The following DAPK1 variants were observed in gnomAD, a reference collection of about 807,000 sequenced individuals.
DAPK1 encodes death-associated protein kinase 1.
A neutral mutation model predicts 144.9 loss-of-function variants in DAPK1; 56 were observed. The observed-to-expected ratio is 0.39, with a 90% CI of 0.31 to 0.48. The LOEUF (loss-of-function observed/expected upper bound fraction) is 0.48, where lower values mean the gene tolerates loss of function less well. Ranked by LOEUF, DAPK1 falls within the 20% of genes least tolerant of loss-of-function variation. The pLI is 0.95. For missense variants in DAPK1, 1,454 were observed against 1,875.4 expected, an observed-to-expected ratio of 0.78 and a Z score of 4.15; for synonymous variants, 690 against 749.0, an observed-to-expected ratio of 0.92 and a Z score of 1.29.
At chr9:87,556,443 T>G (rs541154812) in intron 2 of DAPK1, among the ~76,000 whole-genome samples, 1 of 152,258 alleles carries the variant, frequency 6.6e-6, no homozygotes, top group African/African-American at 2.4e-5. Context: ...TTCCTTTTGC[T>G]GTCTTTGAAT....
intron 21 of DAPK1, among the ~76,000 whole-genome samples, chr9:87,694,426 G>A (rs1439236913): frequency 1.3e-5 from 2 of 152,176 alleles, no homozygotes; most frequent in African/African-American, 2.4e-5. Flanking sequence ...CAGGCCTGTC[G>A]TCAGGTCCCC....
At chr9:87,501,937 G>A (rs144246074) in intron 2 of DAPK1, among the ~76,000 whole-genome samples, 16 of 152,200 alleles carry the variant, frequency 1.1e-4, no homozygotes, top group African/African-American at 3.1e-4. Flanking sequence ...CTGACACTCA[G>A]GATTTTCCTC....
At chr9:87,698,500 G>A (rs982937112) in intron 22 of DAPK1, 156 bp from the exon 23 acceptor site, 8 of 643,716 alleles carry the variant, frequency 1.2e-5, no homozygotes, top group African/African-American at 3.6e-5. Flanking sequence ...GGGTCACAGT[G>A]CACAGCAGGC....
chr9:87,617,642 AT>A (rs1273033878), intron 3 of DAPK1, among the ~76,000 whole-genome samples: 20 of 152,078 alleles, frequency 1.3e-4, no homozygotes, highest in Middle Eastern at 3.2e-3. Context: ...AAGTGTATTA[AT>A]TTGTATGCAG....
At chr9:87,700,853 G>T (rs1317302933) in intron 24 of DAPK1, among the ~76,000 whole-genome samples, 3 of 152,134 alleles carry the variant, frequency 2.0e-5, no homozygotes, top group African/African-American at 7.2e-5. Flanking sequence ...GGAATATTTA[G>T]AAAATTCAGA....
intron 7 of DAPK1, 68 bp from the exon 8 acceptor site, chr9:87,640,230 T>C (rs1830048545): frequency 6.9e-7 from 1 of 1,458,518 alleles, no homozygotes; most frequent in Admixed American, 1.9e-5. Context: ...CTCCAGATGT[T>C]ATAGGAGCAA....
chr9:87,498,399 T>G, intron 1 of DAPK1: 1 of 330,838 alleles, frequency 3.0e-6, no homozygotes, highest in Non-Finnish European at 5.4e-6. Flanking sequence ...CCTCCCTTGC[T>G]CCCCCGGGCG....
At chr9:87,668,196 A>G (rs756684486) in intron 18 of DAPK1, 7 of 194,828 alleles carry the variant, frequency 3.6e-5, no homozygotes, top group Non-Finnish European at 6.4e-5. Flanking sequence ...TGTAAGGATT[A>G]TAACACAGTA....
chr9:87,556,928 T>A lies in DAPK1; in HGVS notation c.63-48026T>A, dbSNP rs147713233. 3.8e-3 allele frequency among the ~76,000 whole-genome samples: 586 copies of A among 152,296 alleles called. 3 individuals carry two copies. Among genetic ancestry groups the A allele is most frequent in the Middle Eastern group, 0.027 (8 of 294 alleles). On this transcript the variant is annotated intron_variant, in intron 2 of 25. Coordinates refer to ENST00000408954, the MANE Select transcript of DAPK1 (RefSeq NM_004938.4). ...TTCCTTGAAGAGCCAGTCCTGCAGT[T>A]GTGGGTGGGAGAGGAGCTTCTCTGA...
chr9:87,621,665 T>A (rs1829297428), intron 3 of DAPK1, among the ~76,000 whole-genome samples: 1 of 152,202 alleles, frequency 6.6e-6, no homozygotes, highest in African/African-American at 2.4e-5. Context: ...GTCTGCCTCT[T>A]GCTTTGGGTT....
Position 87,707,599 on chromosome 9 carries a change from C to A in DAPK1, c.*235C>A. ...GAGCAGAACAGATCTTTTACTTTGG[C>A]CGCTTGAAAAGCTAGTGTACCTCCT... On this transcript the variant is annotated 3_prime_UTR_variant, in exon 26 of 26. Transcript: ENST00000408954. The surrounding 1 kb of genome is among the most constrained non-coding windows in gnomAD (Gnocchi z 4.0). 1.8e-6 allele frequency: 1 copy of A among 560,996 alleles called. No homozygotes were observed. The highest frequency in any genetic ancestry group is 3.2e-6 in the Non-Finnish European group (1 of 315,264). The allele number at this position is 560,996 out of a possible 1,614,324, so 34.8% of individuals were successfully genotyped here. A position where few individuals can be genotyped will look rare whatever the true frequency, so the allele number is the denominator to read the frequency against.
chr9:87,628,554 A>G (rs1300822122), intron 3 of DAPK1, among the ~76,000 whole-genome samples: 1 of 152,186 alleles, frequency 6.6e-6, no homozygotes, highest in Non-Finnish European at 1.5e-5. Context: ...AGAATGTGAG[A>G]GGTGAGCGTG....
intron 3 of DAPK1, among the ~76,000 whole-genome samples, chr9:87,611,176 A>ATT (rs1564022412): frequency 4.0e-5 from 6 of 151,608 alleles, no homozygotes; most frequent in African/African-American, 1.5e-4. Context: ...ATTTTTTTAA[A>ATT]AAATATACAG....
At chr9:87,666,481 T>G (rs1831057962) in intron 18 of DAPK1, among the ~76,000 whole-genome samples, 2 of 150,592 alleles carry the variant, frequency 1.3e-5, no homozygotes, top group Non-Finnish European at 1.5e-5. Context: ...GTTTTTGTTT[T>G]TTTTTTTTTT....
At chr9:87,656,069 C>A (rs2119202803) in intron 17 of DAPK1, among the ~76,000 whole-genome samples, 1 of 152,312 alleles carries the variant, frequency 6.6e-6, no homozygotes, top group South Asian at 2.1e-4. Context: ...TCCAGAAACA[C>A]AGAAGCAACA....
At position 87,652,771 on chromosome 9, in the gene DAPK1, C is replaced by T. The variant is rs545508760; in HGVS notation, c.1824+1047C>T. 3.3e-3 allele frequency among the ~76,000 whole-genome samples: 468 copies of T among 140,542 alleles called. 2 individuals carry two copies. Among genetic ancestry groups the T allele is most frequent in the Non-Finnish European group, 3.7e-3 (239 of 65,194 alleles). The allele number at this position is 140,542 out of a possible 152,430, so 92.2% of individuals were successfully genotyped here. ...GATTCTGTGTCCTCCCACCTGATCC[C>T]GGGTCCTGATTCTGTGTCCTCCCAC... On this transcript the variant is annotated intron_variant, in intron 17 of 25. Coordinates refer to ENST00000408954, the MANE Select transcript of DAPK1 (RefSeq NM_004938.4).
intron 2 of DAPK1, among the ~76,000 whole-genome samples, chr9:87,526,306 G>T (rs548765153): frequency 1.3e-5 from 2 of 152,298 alleles, no homozygotes; most frequent in East Asian, 3.9e-4. Flanking sequence ...TTCCATGTGT[G>T]TATTAGAGTT....
intron 17 of DAPK1, among the ~76,000 whole-genome samples, chr9:87,652,368 C>T (rs1830478438): frequency 1.2e-5 from 1 of 84,138 alleles, no homozygotes; most frequent in Admixed American, 1.1e-4. Flanking sequence ...GTCCTCCCAC[C>T]TGATCCCGGG....
chr9:87,659,683 C>G (rs911774395), intron 18 of DAPK1, among the ~76,000 whole-genome samples: 1 of 152,172 alleles, frequency 6.6e-6, no homozygotes, highest in Non-Finnish European at 1.5e-5. Flanking sequence ...CAGGTCCCTC[C>G]GTGCACCTCC....
Sources: allele counts gnomAD v4.1 joint callset (sites outside exome capture counted in the v4.1 genomes callset), GRCh38; gene constraint gnomAD v4.1.1; non-coding constraint Gnocchi (gnomAD v3.1); transcripts MANE v1.5; gene names NCBI Gene and HGNC (gene_info 2026-07-23, HGNC 2026-07-21).